Variants in KCNH1 observed in about 807,000 individuals in gnomAD.
KCNH1 encodes voltage-gated delayed rectifier potassium channel KCNH1.
In KCNH1, 27 loss-of-function variants were observed where a neutral mutation model predicts 69.2. The observed-to-expected ratio is 0.39, with a 90% CI of 0.29 to 0.54. The LOEUF is 0.54. Ranked by LOEUF, KCNH1 falls within the 20% of genes least tolerant of loss-of-function variation. The probability of loss-of-function intolerance (pLI) is 0.68; values close to 1 mark genes in which losing one functional copy is unlikely to be tolerated. For synonymous variants in KCNH1, 456 were observed against 487.7 expected, an observed-to-expected ratio of 0.93 and a Z score of 0.86; for missense variants, 798 against 1,261.6, an observed-to-expected ratio of 0.63 and a Z score of 5.57.
intron 7 of KCNH1, among the ~76,000 whole-genome samples, chr1:210,804,814 C>G (rs1684500732): frequency 6.6e-6 from 1 of 152,166 alleles, no homozygotes; most frequent in Non-Finnish European, 1.5e-5. Context: ...ACTGTTAGTG[C>G]AACAATCTGC....
intron 5 of KCNH1, among the ~76,000 whole-genome samples, chr1:211,073,317 G>GCCTCTCTAT (rs1690679326): frequency 6.6e-6 from 1 of 152,160 alleles, no homozygotes. Context: ...GACAGATTTA[G>GCCTCTCTAT]CAGGCAGAAA....
In KCNH1 at chr1:211,070,428, AAAACAC is replaced by A. The variant is rs1441991016; in HGVS notation, c.558+12346_558+12351del. ...GCGAGACTCCACCTTTAAAAAAAAA[AAAACAC>A]ACACACACACACACACACACACACA... On this transcript the variant is annotated intron_variant, in intron 5 of 10. Transcript: ENST00000271751. Among the ~76,000 whole-genome samples, 4 of 114,264 alleles carry A rather than the reference AAAACAC, an allele frequency of 3.5e-5. No homozygotes were observed. The South Asian group carries it at 8.5e-4, about 24-fold the overall frequency. The allele number at this position is 114,264 out of a possible 152,430, so 75.0% of individuals were successfully genotyped here. A position where few individuals can be genotyped will look rare whatever the true frequency, so the allele number is the denominator to read the frequency against.
At chr1:210,738,156 G>T (rs1167507161) in intron 10 of KCNH1, among the ~76,000 whole-genome samples, 1 of 152,066 alleles carries the variant, frequency 6.6e-6, no homozygotes, top group Non-Finnish European at 1.5e-5. Flanking sequence ...ACACCTCAGG[G>T]CCTTTGCACC....
chr1:210,990,582 C>T (rs181750753), intron 6 of KCNH1, among the ~76,000 whole-genome samples: 117 of 152,190 alleles, frequency 7.7e-4, no homozygotes, highest in Non-Finnish European at 1.2e-3. Context: ...GCAGCAGAGC[C>T]TGGTTTCTAA....
At chr1:210,988,275 GCTGCACCCACTGTT>G (rs1010348713) in intron 6 of KCNH1, among the ~76,000 whole-genome samples, 3 of 152,040 alleles carry the variant, frequency 2.0e-5, no homozygotes, top group African/African-American at 7.2e-5. Flanking sequence ...CACATGGTGT[GCTGCACCCACTGTT>G]CTGCACCCAC....
intron 1 of KCNH1, among the ~76,000 whole-genome samples, chr1:211,123,791 A>G (rs931105647): frequency 2.0e-5 from 3 of 152,180 alleles, no homozygotes; most frequent in African/African-American, 4.8e-5. Context: ...GTGAAAGACC[A>G]GGAGAGGAGA....
intron 6 of KCNH1, among the ~76,000 whole-genome samples, chr1:210,951,795 A>G (rs1688067286): frequency 6.6e-6 from 1 of 152,006 alleles, no homozygotes; most frequent in African/African-American, 2.4e-5. Flanking sequence ...AAATAGAATA[A>G]CCCCCTGACT....
In KCNH1 at chr1:210,680,563, G is replaced by C. The variant is rs780269928; in HGVS notation, c.*2718C>G. ...TATCTGAGGCACATGGTCCTGGCTC[G>C]GGAACCCAGAGTGGCATCCTGGCAT... On this transcript the variant is annotated 3_prime_UTR_variant, in exon 11 of 11. Transcript: ENST00000271751. 6.6e-6 allele frequency: 1 copy of C among 152,222 alleles called. No individual in the cohort carries two copies. The highest frequency in any genetic ancestry group is 3.4e-3 in the Middle Eastern group (1 of 294). The allele number at this position is 152,222 out of a possible 1,614,324, so 9.4% of individuals were successfully genotyped here.
intron 5 of KCNH1, among the ~76,000 whole-genome samples, chr1:211,060,577 C>T (rs1202841759): frequency 6.6e-6 from 1 of 150,708 alleles, no homozygotes; most frequent in Non-Finnish European, 1.5e-5. Flanking sequence ...ATCAACAGAA[C>T]TTTAGACTAA....
chr1:210,864,148 C>A (rs148545554), intron 7 of KCNH1, among the ~76,000 whole-genome samples: 1 of 152,180 alleles, frequency 6.6e-6, no homozygotes, highest in Non-Finnish European at 1.5e-5. Flanking sequence ...CTCTCACATG[C>A]CTATGGCATG....
chr1:210,940,349 G>A (rs1016367687), intron 6 of KCNH1, among the ~76,000 whole-genome samples: 16 of 152,178 alleles, frequency 1.1e-4, no homozygotes, highest in African/African-American at 3.4e-4. Flanking sequence ...GCACAAGTTA[G>A]CTGCCATCAT....
At chr1:210,958,094 G>A (rs12081478) in intron 6 of KCNH1, among the ~76,000 whole-genome samples, 12,214 of 152,154 alleles carry the variant, frequency 0.08, 1,355 homozygotes, top group African/African-American at 0.25. Context: ...AGGAGCTCTT[G>A]TAAGGCAGGC....
At chr1:210,704,132 GCTT>G (rs1681846332) in intron 10 of KCNH1, among the ~76,000 whole-genome samples, 1 of 152,100 alleles carries the variant, frequency 6.6e-6, no homozygotes, top group Non-Finnish European at 1.5e-5. Context: ...GGTGGGGAAA[GCTT>G]CTGGTGCCAC....
chr1:211,066,635 C>G (rs1212902351), intron 5 of KCNH1, among the ~76,000 whole-genome samples: 1 of 152,158 alleles, frequency 6.6e-6, no homozygotes, highest in Non-Finnish European at 1.5e-5. Flanking sequence ...CTCTGTCACT[C>G]TTCACAAATC....
At chr1:210,692,981 G>A (rs575448207) in intron 10 of KCNH1, among the ~76,000 whole-genome samples, 33 of 152,210 alleles carry the variant, frequency 2.2e-4, no homozygotes, top group African/African-American at 6.5e-4. Context: ...CTCCCCTAAC[G>A]GAGGCCCTGT....
At chr1:210,942,163 G>C (rs1034944844) in intron 6 of KCNH1, among the ~76,000 whole-genome samples, 2 of 152,190 alleles carry the variant, frequency 1.3e-5, no homozygotes, top group African/African-American at 4.8e-5. Context: ...TAATCATTCT[G>C]TGTGGATTAA....
rs572922713 is a variant in KCNH1 at position 210,783,583 on chromosome 1, C to T, written c.1916-8039G>A. Among the ~76,000 whole-genome samples the T allele has an allele frequency of 3.9e-5, 6 of 152,216 alleles. No homozygotes were observed. The South Asian group carries it at 6.2e-4, about 16-fold the overall frequency. ...AGATCATTTCCTTAAAGAGAAAGACCATGTTTGCCTTTCCCTATACCTTCT... is the reference window on the plus strand; with the variant it reads ...AGATCATTTCCTTAAAGAGAAAGACTATGTTTGCCTTTCCCTATACCTTCT... On this transcript the variant is annotated intron_variant, in intron 9 of 10. Transcript: ENST00000271751.
At chr1:211,016,097 C>T (rs879873925) in intron 6 of KCNH1, among the ~76,000 whole-genome samples, 7 of 152,072 alleles carry the variant, frequency 4.6e-5, no homozygotes, top group Non-Finnish European at 8.8e-5. Flanking sequence ...AATCAGAAAC[C>T]ACCATCAGGA....
rs550785051 is a variant in KCNH1 at position 210,983,395 on chromosome 1, T to C, written c.1032+35388A>G. 2.0e-5 allele frequency among the ~76,000 whole-genome samples: 3 copies of C among 152,384 alleles called. No homozygotes were observed. The South Asian group carries it at 6.2e-4, about 32-fold the overall frequency. ...CCTAGGTTTTCTTCTAGGGTTCTTA[T>C]GGTTTTAGGTCTAACATATAAGTCT... On this transcript the variant is annotated intron_variant, in intron 6 of 10. Coordinates refer to ENST00000271751, the MANE Select transcript of KCNH1 (RefSeq NM_172362.3).
Sources: allele counts gnomAD v4.1 joint callset (sites outside exome capture counted in the v4.1 genomes callset), GRCh38; gene constraint gnomAD v4.1.1; transcripts MANE v1.5; gene names NCBI Gene and HGNC (gene_info 2026-07-23, HGNC 2026-07-21).